The following LHFPL3 variants were observed in gnomAD, a reference collection of about 807,000 sequenced individuals.
LHFPL3 encodes LHFPL tetraspan subfamily member 3 protein.
A neutral mutation model predicts 19.3 loss-of-function variants in LHFPL3; 5 were observed. The observed-to-expected ratio is 0.26, with a 90% CI of 0.14 to 0.54. LHFPL3 has a LOEUF of 0.54. Ranked by LOEUF, LHFPL3 falls within the 20% of genes least tolerant of loss-of-function variation. The pLI, the probability that LHFPL3 is intolerant of heterozygous loss-of-function variation, is 0.94. For synonymous variants in LHFPL3, 133 were observed against 126.2 expected, an observed-to-expected ratio of 1.05 and a Z score of -0.36; for missense variants, 249 against 307.4, an observed-to-expected ratio of 0.81 and a Z score of 1.42.
intron 1 of LHFPL3, among the ~76,000 whole-genome samples, chr7:104,515,942 C>T (rs944044632): frequency 2.0e-5 from 3 of 152,120 alleles, no homozygotes; most frequent in Non-Finnish European, 4.4e-5. Flanking sequence ...TCCTGTTACC[C>T]AGTTCCAAAG....
intron 1 of LHFPL3, chr7:104,669,360 T>C: frequency 6.2e-7 from 1 of 1,613,556 alleles, no homozygotes. Context: ...AAGGCCAAAC[T>C]GGGAACTCTA....
chr7:104,633,270 A>C (rs963521248), intron 1 of LHFPL3, among the ~76,000 whole-genome samples: 1 of 152,196 alleles, frequency 6.6e-6, no homozygotes, highest in Non-Finnish European at 1.5e-5. Flanking sequence ...TAATTTAGTG[A>C]TTTGTCTTCC....
At chr7:104,734,488 C>T (rs1584504103) in intron 1 of LHFPL3, among the ~76,000 whole-genome samples, 2 of 152,306 alleles carry the variant, frequency 1.3e-5, no homozygotes, top group East Asian at 1.9e-4. Flanking sequence ...ATCACTGATA[C>T]CCTTTCTTCC....
chr7:104,670,130 G>C (rs1175446006), intron 1 of LHFPL3, among the ~76,000 whole-genome samples: 1 of 148,612 alleles, frequency 6.7e-6, no homozygotes, highest in Non-Finnish European at 1.5e-5. Context: ...ACAGCCTAGA[G>C]GGAATTCCTT....
Position 104,908,476 on chromosome 7 carries a change from T to C in LHFPL3, c.*2261T>C, listed in dbSNP as rs1792662135. On this transcript the variant is annotated 3_prime_UTR_variant, in exon 3 of 3. Transcript: ENST00000424859. The stretch of plus-strand genomic sequence containing the variant: ...AAAGTTGTGTGTAATTTTTTTAAGG[T>C]CCAAGAAATGTAAAGAAATTTGTTG... Among the ~76,000 whole-genome samples, 1 of 152,098 alleles carries C rather than the reference T, an allele frequency of 6.6e-6. No homozygotes were observed. Among genetic ancestry groups the C allele is most frequent in the Non-Finnish European group, 1.5e-5 (1 of 68,016 alleles).
At chr7:104,593,186 A>G (rs1486212973) in intron 1 of LHFPL3, among the ~76,000 whole-genome samples, 4 of 151,542 alleles carry the variant, frequency 2.6e-5, no homozygotes, top group Non-Finnish European at 5.9e-5. Flanking sequence ...AGTGCTATAA[A>G]TTTCCCTGTA....
chr7:104,845,306 T>C, intron 2 of LHFPL3: 1 of 837,508 alleles, frequency 1.2e-6, no homozygotes, highest in Admixed American at 2.0e-5. Context: ...ACGTTGTCAG[T>C]TTTAATCTTT....
rs1263799422 is a variant in LHFPL3, at chr7:104,427,259, T to C, written c.445+98035T>C. 2.6e-5 allele frequency among the ~76,000 whole-genome samples: 4 copies of C among 152,090 alleles called. No individual in the cohort carries two copies. In the East Asian group the frequency reaches 7.8e-4, roughly 30 times the overall value. Reference sequence around the variant, plus strand: ...CAGTGTAGCTCTCAAGTGAAACCTATGTGAACTTGTAAAGCTGGCTTTGTG... The same window carrying C: ...CAGTGTAGCTCTCAAGTGAAACCTACGTGAACTTGTAAAGCTGGCTTTGTG... On this transcript the variant is annotated intron_variant, in intron 1 of 2. Transcript: ENST00000424859.
intron 1 of LHFPL3, among the ~76,000 whole-genome samples, chr7:104,403,056 G>C (rs1584295893): frequency 7.1e-6 from 1 of 140,656 alleles, no homozygotes; most frequent in Admixed American, 6.7e-5. Context: ...GGGCCTGTCA[G>C]GGGGTGATAT....
rs1239801751 is a variant in LHFPL3, at chr7:104,906,253, TA to T, written c.*40del. The T allele has an allele frequency of 6.3e-7, 1 of 1,594,706 alleles. No homozygotes were observed. Among genetic ancestry groups the T allele is most frequent in the Non-Finnish European group, 8.6e-7 (1 of 1,168,674 alleles). ...TCGAATAACAGCTAAACAAATCGAATAACAGCTAAACGAATCGAATAACAGC... is the reference window on the plus strand; with the variant it reads ...TCGAATAACAGCTAAACAAATCGAATACAGCTAAACGAATCGAATAACAGC... On this transcript the variant is annotated 3_prime_UTR_variant, in exon 3 of 3. Transcript: ENST00000424859.
intron 1 of LHFPL3, among the ~76,000 whole-genome samples, chr7:104,623,236 A>G (rs893488625): frequency 6.6e-6 from 1 of 151,732 alleles, no homozygotes; most frequent in African/African-American, 2.4e-5. Flanking sequence ...GTTTTTTTGC[A>G]ATGCAATCTT....
At chr7:104,386,661 A>G (rs1326085356) in intron 1 of LHFPL3, among the ~76,000 whole-genome samples, 1 of 152,244 alleles carries the variant, frequency 6.6e-6, no homozygotes, top group East Asian at 1.9e-4. Flanking sequence ...ACTGTGGAAC[A>G]TTGCAAATGT....
At chr7:104,806,534 TAAAC>T (rs1452889833) in intron 2 of LHFPL3, among the ~76,000 whole-genome samples, 2 of 152,208 alleles carry the variant, frequency 1.3e-5, no homozygotes, top group Non-Finnish European at 2.9e-5. Context: ...TTTGTGACTG[TAAAC>T]ATTTTCTCTT....
intron 2 of LHFPL3, among the ~76,000 whole-genome samples, chr7:104,773,960 C>G (rs763923646): frequency 6.6e-6 from 1 of 152,234 alleles, no homozygotes; most frequent in Non-Finnish European, 1.5e-5. Context: ...TTTGTTACAA[C>G]AGCCCTAGAG....
At chr7:104,729,670 G>A (rs1186411854) in intron 1 of LHFPL3, among the ~76,000 whole-genome samples, 1 of 151,878 alleles carries the variant, frequency 6.6e-6, no homozygotes, top group Non-Finnish European at 1.5e-5. Flanking sequence ...TGTTCTCCAG[G>A]TTCATTCATG....
chr7:104,664,945 C>T lies in LHFPL3; in HGVS notation c.446-71730C>T, dbSNP rs376369245. 4.3e-3 allele frequency among the ~76,000 whole-genome samples: 660 copies of T among 152,240 alleles called. 5 individuals are homozygous for T. The highest frequency in any genetic ancestry group is 0.015 in the African/African-American group (637 of 41,534). ...AAAGAAACATGTGTCCTTGAAAGAC[C>T]TCTAGCCATCTCTGCTGTAGGTATA... On this transcript the variant is annotated intron_variant, in intron 1 of 2. Transcript: ENST00000424859.
At chr7:104,381,535 C>T (rs919980419) in intron 1 of LHFPL3, among the ~76,000 whole-genome samples, 8 of 151,388 alleles carry the variant, frequency 5.3e-5, no homozygotes, top group Non-Finnish European at 4.4e-5. Flanking sequence ...TTTCTTCCAT[C>T]TTTCCTTCCT....
intron 1 of LHFPL3, among the ~76,000 whole-genome samples, chr7:104,652,453 G>C (rs1199722457): frequency 6.6e-6 from 1 of 152,200 alleles, no homozygotes; most frequent in African/African-American, 2.4e-5. Context: ...GGGGATGCAT[G>C]TGATATTTTG....
intron 1 of LHFPL3, among the ~76,000 whole-genome samples, chr7:104,685,647 C>T (rs1349752542): frequency 6.6e-6 from 1 of 152,216 alleles, no homozygotes; most frequent in African/African-American, 2.4e-5. Context: ...GAAGGTACAA[C>T]CAAGCACCAG....
Sources: gnomAD v4.1 joint callset for allele counts (sites outside exome capture counted in the v4.1 genomes callset) on GRCh38, gnomAD v4.1.1 for gene constraint, MANE v1.5 for transcripts, NCBI Gene and HGNC (gene_info 2026-07-23, HGNC 2026-07-21) for gene names.